FHIT: variants seen among roughly 807,000 people sequenced by gnomAD.
The protein encoded by FHIT is fragile histidine triad diadenosine triphosphatase.
Under a neutral mutation model 17.9 loss-of-function variants are expected in FHIT, and 19 were observed. The ratio of observed to expected loss-of-function variants is 1.06; its 90% CI spans 0.74 to 1.56. The LOEUF (loss-of-function observed/expected upper bound fraction) is 1.56, where lower values mean the gene tolerates loss of function less well. Among genes scored for constraint, FHIT ranks in the 40% most tolerant of loss-of-function variants. The pLI, the probability that FHIT is intolerant of heterozygous loss-of-function variation, is 0.00. For synonymous variants in FHIT, 81 were observed against 69.7 expected (o/e 1.16, Z -0.81); for missense variants, 248 against 189.2 (o/e 1.31, Z -1.82).
At chr3:60,220,894 C>T (rs1413925875) in intron 5 of FHIT, among the ~76,000 whole-genome samples, 1 of 152,178 alleles carries the variant, frequency 6.6e-6, no homozygotes, top group Non-Finnish European at 1.5e-5. Context: ...AGCCTTTCTG[C>T]ATACAGAGAA....
chr3:61,146,813 C>T (rs1202189703), intron 2 of FHIT, among the ~76,000 whole-genome samples: 3 of 152,020 alleles, frequency 2.0e-5, no homozygotes, highest in East Asian at 1.9e-4. Flanking sequence ...CATGGACATA[C>T]ATCAAAGTCA....
At position 60,416,809 on chromosome 3, in the gene FHIT, G is replaced by A. The variant is rs368243020; in HGVS notation, c.103+120051C>T. Among the ~76,000 whole-genome samples the A allele has an allele frequency of 5.8e-4, 88 of 152,168 alleles. 6 individuals are homozygous for A. The highest frequency in any genetic ancestry group is 4.3e-3 in the East Asian group (22 of 5,156). On this transcript the variant is annotated intron_variant, in intron 5 of 9. Coordinates refer to ENST00000492590, the MANE Select transcript of FHIT (RefSeq NM_002012.4). ...AGCGTTAAAAATCTGAGAACAGGCC[G>A]GGTGCGGCAGCTGATGCCTGTAATC...
chr3:60,149,341 GC>G (rs749087211), intron 5 of FHIT, among the ~76,000 whole-genome samples: 2 of 102,822 alleles, frequency 1.9e-5, no homozygotes, highest in Admixed American at 1.8e-4. Flanking sequence ...TCTTCAACAT[GC>G]TTTTTTTTTT....
chr3:61,027,431 T>C (rs1307857886), intron 3 of FHIT, among the ~76,000 whole-genome samples: 3 of 152,344 alleles, frequency 2.0e-5, no homozygotes, highest in East Asian at 3.9e-4. Context: ...TTTGCACCTA[T>C]TGTATTTGTA....
At chr3:60,318,607 T>C (rs536571643) in intron 5 of FHIT, among the ~76,000 whole-genome samples, 5 of 152,170 alleles carry the variant, frequency 3.3e-5, no homozygotes, top group Non-Finnish European at 5.9e-5. Context: ...ACTGACATCC[T>C]GATCATGTGA....
intron 5 of FHIT, among the ~76,000 whole-genome samples, chr3:60,470,448 C>G (rs1365548017): frequency 6.6e-6 from 1 of 152,022 alleles, no homozygotes; most frequent in Non-Finnish European, 1.5e-5. Context: ...TTCTGCCCTT[C>G]CCTCTCCTTT....
At chr3:60,908,350 G>A (rs902538991) in intron 3 of FHIT, among the ~76,000 whole-genome samples, 1 of 152,186 alleles carries the variant, frequency 6.6e-6, no homozygotes, top group Admixed American at 6.5e-5. Flanking sequence ...AAGTACAGGT[G>A]CTTTGAGGTT....
At chr3:60,834,226 C>T (rs1172856355) in intron 3 of FHIT, among the ~76,000 whole-genome samples, 1 of 152,170 alleles carries the variant, frequency 6.6e-6, no homozygotes, top group Non-Finnish European at 1.5e-5. Flanking sequence ...ATTTTACATT[C>T]TCACCAGTAA....
intron 5 of FHIT, among the ~76,000 whole-genome samples, chr3:60,057,874 G>A (rs1702143557): frequency 6.6e-6 from 1 of 151,920 alleles, no homozygotes; most frequent in Non-Finnish European, 1.5e-5. Context: ...TCTGGTTTTG[G>A]TCAGGGAAAT....
chr3:60,389,927 G>C lies in FHIT; in HGVS notation c.103+146933C>G, dbSNP rs573057078. Among the ~76,000 whole-genome samples the C allele has an allele frequency of 7.2e-4, 109 of 152,242 alleles. 1 individual carries two copies. The highest frequency in any genetic ancestry group is 6.8e-3 in the Middle Eastern group (2 of 294). On this transcript the variant is annotated intron_variant, in intron 5 of 9. Coordinates refer to ENST00000492590, the MANE Select transcript of FHIT (RefSeq NM_002012.4). ...CACTACACAAGTTCATGGGGACTTAGAGGCAAGTGTGACGGCTGACCACCC... is the reference window on the plus strand; with the variant it reads ...CACTACACAAGTTCATGGGGACTTACAGGCAAGTGTGACGGCTGACCACCC...
intron 1 of FHIT, among the ~76,000 whole-genome samples, chr3:61,223,283 T>C (rs1240955296): frequency 1.3e-5 from 2 of 152,186 alleles, no homozygotes; most frequent in East Asian, 1.9e-4. Flanking sequence ...AGTTGACCTC[T>C]TGGCATGTGT....
At chr3:60,693,046 A>G (rs1308485244) in intron 4 of FHIT, among the ~76,000 whole-genome samples, 1 of 152,224 alleles carries the variant, frequency 6.6e-6, no homozygotes, top group Non-Finnish European at 1.5e-5. Context: ...ATTCTCTACA[A>G]GAATCAAGAC....
chr3:60,648,808 T>G (rs533878873), intron 4 of FHIT, among the ~76,000 whole-genome samples: 1 of 152,310 alleles, frequency 6.6e-6, no homozygotes, highest in South Asian at 2.1e-4. Flanking sequence ...GCGCCTGCCT[T>G]AAGCCAGAGA....
At chr3:61,219,688 T>C (rs2039784288) in intron 1 of FHIT, among the ~76,000 whole-genome samples, 1 of 152,148 alleles carries the variant, frequency 6.6e-6, no homozygotes, top group Non-Finnish European at 1.5e-5. Context: ...TACTTTGGGC[T>C]TCAGTTCTCC....
At chr3:59,945,876 C>T (rs1706777577) in intron 7 of FHIT, among the ~76,000 whole-genome samples, 1 of 152,062 alleles carries the variant, frequency 6.6e-6, no homozygotes, top group Non-Finnish European at 1.5e-5. Flanking sequence ...TATTCTGTTC[C>T]ATTGGTCTGT....
rs1412211296 is a variant in FHIT, at chr3:61,148,937, G to C, written c.-164+51680C>G. On this transcript the variant is annotated intron_variant, in intron 2 of 9. Transcript: ENST00000492590. Reference sequence around the variant, plus strand: ...AGAAAGAAGTTATATGCCCCAGTGGGGACTGCTTCTTCTGGATCTTCATGC... The same window carrying C: ...AGAAAGAAGTTATATGCCCCAGTGGCGACTGCTTCTTCTGGATCTTCATGC... Among the ~76,000 whole-genome samples the C allele has an allele frequency of 2.0e-5, 3 of 152,104 alleles. No individual in the cohort carries two copies. In the East Asian group the frequency reaches 5.8e-4, roughly 29 times the overall value.
chr3:60,590,806 C>T (rs1553663951), intron 4 of FHIT, among the ~76,000 whole-genome samples: 1 of 152,088 alleles, frequency 6.6e-6, no homozygotes. Flanking sequence ...ACACAGCCAA[C>T]TGAACTGATG....
intron 5 of FHIT, among the ~76,000 whole-genome samples, chr3:60,531,093 G>T (rs2734410): frequency 1.3e-5 from 2 of 152,108 alleles, no homozygotes; most frequent in Admixed American, 1.3e-4. Flanking sequence ...CAGCAATATT[G>T]TCTTTGAACA....
chr3:60,636,954 C>T (rs1014841312), intron 4 of FHIT, among the ~76,000 whole-genome samples: 1 of 152,042 alleles, frequency 6.6e-6, no homozygotes, highest in African/African-American at 2.4e-5. Context: ...CCTCTGAGGC[C>T]AAGTCATGGT....
Sources: allele counts gnomAD v4.1 joint callset (sites outside exome capture counted in the v4.1 genomes callset), GRCh38; gene constraint gnomAD v4.1.1; transcripts MANE v1.5; gene names NCBI Gene and HGNC (gene_info 2026-07-23, HGNC 2026-07-21).